The following CDH23 variants were observed in gnomAD, a reference collection of about 807,000 sequenced individuals.
CDH23 encodes the protein cadherin-23.
Under a neutral mutation model 317.1 loss-of-function variants are expected in CDH23, and 189 were observed. The observed-to-expected ratio is 0.60, with a 90% CI of 0.53 to 0.67. The LOEUF is 0.67. Ranked by LOEUF, CDH23 falls within the 30% of genes least tolerant of loss-of-function variation. The pLI is 0.00. For missense variants in CDH23, 4,401 were observed against 4,592.4 expected, an observed-to-expected ratio of 0.96 and a Z score of 1.20; for synonymous variants, 1,839 against 1,876.8, an observed-to-expected ratio of 0.98 and a Z score of 0.52.
chr10:71,683,024 C>T (rs1864719276), intron 18 of CDH23, among the ~76,000 whole-genome samples: 1 of 152,194 alleles, frequency 6.6e-6, no homozygotes, highest in Non-Finnish European at 1.5e-5. Flanking sequence ...TTCCACTCCT[C>T]TGAAGATCTA....
intron 19 of CDH23, 124 bp from the exon 20 acceptor site, chr10:71,690,344 G>T (rs1426566557): frequency 6.4e-6 from 4 of 628,078 alleles, no homozygotes; most frequent in Non-Finnish European, 1.1e-5. Context: ...CTGAGAGCTG[G>T]TCACTGGGAG....
intron 1 of CDH23, among the ~76,000 whole-genome samples, chr10:71,423,527 G>C (rs2131956966): frequency 6.6e-6 from 1 of 152,302 alleles, no homozygotes; most frequent in Non-Finnish European, 1.5e-5. Flanking sequence ...GTTAGCAATA[G>C]ACAGGCAGGA....
chr10:71,462,939 G>A (rs535049578), intron 3 of CDH23, among the ~76,000 whole-genome samples: 19 of 152,222 alleles, frequency 1.2e-4, no homozygotes, highest in Non-Finnish European at 2.4e-4. Flanking sequence ...GAGAGCCTGG[G>A]TCCAAGAGTG....
chr10:71,790,136 G>A (rs1005271153), intron 45 of CDH23, among the ~76,000 whole-genome samples, 152 bp from the exon 46 acceptor site: 4 of 152,200 alleles, frequency 2.6e-5, no homozygotes, highest in South Asian at 2.1e-4. Flanking sequence ...CAAGGCTGCC[G>A]CAGGCCCGCC....
At chr10:71,478,239 C>T (rs942783284) in intron 3 of CDH23, among the ~76,000 whole-genome samples, 17 of 152,256 alleles carry the variant, frequency 1.1e-4, no homozygotes, top group Non-Finnish European at 2.1e-4. Flanking sequence ...CATACATACT[C>T]TGCCGAGTGC....
intron 13 of CDH23, 150 bp downstream of exon 13, chr10:71,646,130 G>A (rs1243216658): frequency 4.7e-6 from 5 of 1,062,462 alleles, no homozygotes; most frequent in South Asian, 3.3e-5. Context: ...TCCAAGAGAC[G>A]GCAGGGGCCG....
chr10:71,612,738 A>C (rs1049237718), intron 9 of CDH23, among the ~76,000 whole-genome samples: 5 of 152,206 alleles, frequency 3.3e-5, no homozygotes, highest in African/African-American at 1.2e-4. Flanking sequence ...CCTTCAGCTG[A>C]GCCTTAGGGG....
intron 6 of CDH23, among the ~76,000 whole-genome samples, chr10:71,546,592 T>A (rs1301861127): frequency 6.6e-6 from 1 of 152,192 alleles, no homozygotes; most frequent in Non-Finnish European, 1.5e-5. Context: ...TTGGCCTGCG[T>A]GTCCACTGCA....
At chr10:71,675,732 G>GC (rs932443796) in intron 15 of CDH23, among the ~76,000 whole-genome samples, 19 of 152,236 alleles carry the variant, frequency 1.2e-4, no homozygotes, top group Non-Finnish European at 2.4e-4. Context: ...TACACAGCCT[G>GC]CCCCAAGAGG....
chr10:71,705,481 G>A (rs75548298), intron 25 of CDH23, among the ~76,000 whole-genome samples: 13,741 of 152,242 alleles, frequency 0.09, 817 homozygotes, highest in Middle Eastern at 0.15. Context: ...AGGGTGCAGA[G>A]CCCTTTGTCT....
chr10:71,660,953 G>A (rs781224048), intron 14 of CDH23, among the ~76,000 whole-genome samples: 2 of 152,192 alleles, frequency 1.3e-5, no homozygotes, highest in Non-Finnish European at 2.9e-5. Context: ...CTCCTGTCAC[G>A]TGTGTTATCG....
chr10:71,799,180 C>A lies in CDH23; in HGVS notation c.7124C>A (p.Ser2375Ter). Residue 2375 changes from serine to a stop codon, truncating the protein, a stop_gained, in exon 51 of 70, where the codon TCA becomes TAA. Transcript: ENST00000224721. LOFTEE classifies it high-confidence loss of function. ...VHWLNFTVRA[S>*]DNGSPPRAAE... ...TGGCTCAACTTTACCGTGAGGGCCT[C>A]AGACAACGGGTCCCCGCCCCGGGCA... The A allele has an allele frequency of 6.2e-7, 1 of 1,614,054 alleles. No homozygotes were observed. Among genetic ancestry groups the A allele is most frequent in the Non-Finnish European group, 8.5e-7 (1 of 1,179,898 alleles).
intron 34 of CDH23, 135 bp downstream of exon 34, chr10:71,734,793 C>T (rs1839509071): frequency 1.9e-6 from 1 of 532,602 alleles, no homozygotes; most frequent in African/African-American, 1.9e-5. Context: ...GGCCCCCTCC[C>T]AGTGCCTCCA....
At position 71,615,627 on chromosome 10, in the gene CDH23, G is replaced by T. The variant is rs1201150278; in HGVS notation, c.945+11G>T. On this transcript the variant is annotated intron_variant, in intron 10 of 69. Transcript: ENST00000224721. ...ATCCTGACTGTGAAGGTGAGACCTG[G>T]GTGGGCACCTTCACCCCAGGTAGAG... 1.3e-6 allele frequency: 2 copies of T among 1,592,276 alleles called. No homozygotes were observed. The highest frequency in any genetic ancestry group is 2.7e-5 in the African/African-American group (2 of 74,484).
intron 11 of CDH23, among the ~76,000 whole-genome samples, chr10:71,643,031 A>G (rs7913396): frequency 0.51 from 78,242 of 152,126 alleles, 21,086 homozygotes; most frequent in Non-Finnish European, 0.62. Flanking sequence ...CTTGGTACTT[A>G]CAAAGTGTTT....
At chr10:71,517,944 C>T (rs917896087) in intron 6 of CDH23, among the ~76,000 whole-genome samples, 5 of 152,160 alleles carry the variant, frequency 3.3e-5, no homozygotes, top group South Asian at 2.1e-4. Flanking sequence ...TGCTCTCTTG[C>T]GGCAGGCAGA....
chr10:71,430,395 G>A (rs1291190798), intron 1 of CDH23, among the ~76,000 whole-genome samples: 1 of 152,126 alleles, frequency 6.6e-6, no homozygotes, highest in East Asian at 1.9e-4. Flanking sequence ...CACCCTCTTT[G>A]GAGGGCAGTT....
chr10:71,584,165 T>C (rs1220580804), intron 9 of CDH23, among the ~76,000 whole-genome samples: 2 of 152,192 alleles, frequency 1.3e-5, no homozygotes, highest in African/African-American at 2.4e-5. Context: ...CTTACTCTTT[T>C]AATGTTTAAA....
At position 71,489,594 on chromosome 10, in the gene CDH23, G is replaced by GGTGTGTGTGT. The variant is rs34392048; in HGVS notation, c.146-20456_146-20447dup. 2.7e-3 allele frequency among the ~76,000 whole-genome samples: 381 copies of GGTGTGTGTGT among 139,876 alleles called. 1 individual carries two copies. The highest frequency in any genetic ancestry group is 8.7e-3 in the African/African-American group (323 of 37,312). 91.8% of individuals were successfully genotyped at this position (139,876 alleles called of 152,430 possible). A position where few individuals can be genotyped will look rare whatever the true frequency, so the allele number is the denominator to read the frequency against. ...TAGGTTTTCATTCACAGTGCCTCGG[G>GGTGTGTGTGT]GTGTGTGTGTGTGTGTGTGTGTGTG... is the stretch of plus-strand genomic sequence containing the variant. On this transcript the variant is annotated intron_variant, in intron 3 of 69. Coordinates refer to ENST00000224721, the MANE Select transcript of CDH23 (RefSeq NM_022124.6).
Sources: allele counts gnomAD v4.1 joint callset (sites outside exome capture counted in the v4.1 genomes callset), GRCh38; gene constraint gnomAD v4.1.1; transcripts MANE v1.5; gene names NCBI Gene and HGNC (gene_info 2026-07-23, HGNC 2026-07-21).